FAM81B: variants seen among roughly 807,000 people sequenced by gnomAD.
FAM81B encodes the protein family with sequence similarity 81 member B.
In FAM81B, 60 loss-of-function variants were observed where a neutral mutation model predicts 58.7. The observed-to-expected ratio is 1.02, with a 90% confidence interval of 0.83 to 1.27. FAM81B has a LOEUF of 1.27. Ranked by LOEUF, FAM81B falls within the 50% of genes most tolerant of loss-of-function variation. The pLI, the probability that FAM81B is intolerant of heterozygous loss-of-function variation, is 0.00. For synonymous variants in FAM81B, 189 were observed against 179.6 expected (o/e 1.05, Z -0.42); for missense variants, 491 against 522.0 (o/e 0.94, Z 0.58).
intron 5 of FAM81B, among the ~76,000 whole-genome samples, chr5:95,420,689 C>T (rs1411752991): frequency 1.3e-5 from 2 of 150,988 alleles, no homozygotes; most frequent in Non-Finnish European, 2.9e-5. Context: ...TACATAGACG[C>T]ACCTTCATAA....
At chr5:95,445,838 C>A (rs532291550) in intron 7 of FAM81B, among the ~76,000 whole-genome samples, 23 of 152,250 alleles carry the variant, frequency 1.5e-4, no homozygotes, top group African/African-American at 5.5e-4. Context: ...CTGCCTCTGA[C>A]CTTTCTCTCC....
chr5:95,441,768 A>G (rs548796811), intron 7 of FAM81B, among the ~76,000 whole-genome samples: 1 of 152,182 alleles, frequency 6.6e-6, no homozygotes, highest in Non-Finnish European at 1.5e-5. Context: ...TAGATCCGAC[A>G]AAGACATGCA....
intron 7 of FAM81B, chr5:95,440,525 T>C: frequency 1.7e-6 from 1 of 575,950 alleles, no homozygotes; most frequent in Non-Finnish European, 3.3e-6. Context: ...TTATTGGTTT[T>C]GATGCAGGAG....
intron 5 of FAM81B, among the ~76,000 whole-genome samples, chr5:95,428,392 T>C (rs1762906925): frequency 6.6e-6 from 1 of 152,194 alleles, no homozygotes; most frequent in Admixed American, 6.5e-5. Context: ...GGTGCTCTGG[T>C]TTGAGCCAAT....
intron 5 of FAM81B, among the ~76,000 whole-genome samples, chr5:95,424,986 A>T (rs181995242): frequency 6.6e-6 from 1 of 152,294 alleles, no homozygotes; most frequent in Non-Finnish European, 1.5e-5. Flanking sequence ...CTCTTAAAAT[A>T]GAACAAATGC....
At chr5:95,438,976 C>A (rs1253971161) in intron 7 of FAM81B, among the ~76,000 whole-genome samples, 1 of 150,636 alleles carries the variant, frequency 6.6e-6, no homozygotes, top group Non-Finnish European at 1.5e-5. Context: ...AATTTCTATA[C>A]CTATTACTCA....
At chr5:95,425,911 A>T (rs1271231945) in intron 5 of FAM81B, among the ~76,000 whole-genome samples, 1 of 151,494 alleles carries the variant, frequency 6.6e-6, no homozygotes, top group East Asian at 1.9e-4. Context: ...CTTTTTATAG[A>T]TTCTTTTTTT....
chr5:95,428,580 A>G, intron 5 of FAM81B, 23 bp from the exon 6 acceptor site: 1 of 1,613,376 alleles, frequency 6.2e-7, no homozygotes, highest in Non-Finnish European at 8.5e-7. Context: ...ATTGATCCAC[A>G]CCAATTTCCA....
chr5:95,393,344 A>C, intron 2 of FAM81B, among the ~76,000 whole-genome samples: 1 of 152,222 alleles, frequency 6.6e-6, no homozygotes, highest in East Asian at 1.9e-4. Flanking sequence ...TGTAATTTAC[A>C]TAACAAGAGG....
Position 95,412,535 on chromosome 5 carries a change from AC to A in FAM81B, c.294-1410del, listed in dbSNP as rs1164632023. Among the ~76,000 whole-genome samples, 4 of 152,192 alleles carry A rather than the reference AC, an allele frequency of 2.6e-5. No individual in the cohort carries two copies. The South Asian group carries it at 8.3e-4, about 32-fold the overall frequency. On this transcript the variant is annotated intron_variant, in intron 3 of 9. Coordinates refer to ENST00000283357, the MANE Select transcript of FAM81B (RefSeq NM_152548.3). ...CTGCAAACAAATGAAATATTTTTAA[AC>A]CATATGGGGTGGCCAATTCACTTGT...
chr5:95,441,610 A>AG (rs1189568396), intron 7 of FAM81B, among the ~76,000 whole-genome samples: 5 of 139,928 alleles, frequency 3.6e-5, no homozygotes, highest in Non-Finnish European at 8.1e-5. Flanking sequence ...TCTGCAAATT[A>AG]AAAAAAAAAG....
chr5:95,438,649 T>C (rs1024831610), intron 7 of FAM81B, among the ~76,000 whole-genome samples: 5 of 152,060 alleles, frequency 3.3e-5, no homozygotes, highest in Non-Finnish European at 5.9e-5. Context: ...TTCAGTAGTA[T>C]TACAGTAGGT....
chr5:95,393,249 T>G (rs372840898), intron 2 of FAM81B, among the ~76,000 whole-genome samples: 34 of 152,348 alleles, frequency 2.2e-4, no homozygotes, highest in African/African-American at 7.9e-4. Flanking sequence ...GTTTCCTTTA[T>G]TAGAACTTGT....
At position 95,446,757 on chromosome 5, in the gene FAM81B, A is replaced by T. The variant is rs1745583179; in HGVS notation, c.1029+60A>T. 7.6e-6 allele frequency: 12 copies of T among 1,575,524 alleles called. No individual in the cohort carries two copies. The South Asian group carries it at 1.4e-4, about 19-fold the overall frequency. ...TGCATAGTCCTTGTTAGCAGTGAGTAAAGGTCTGGGAATTTGTACTTCAAC... is the reference window on the plus strand; with the variant it reads ...TGCATAGTCCTTGTTAGCAGTGAGTTAAGGTCTGGGAATTTGTACTTCAAC... On this transcript the variant is annotated intron_variant, in intron 8 of 9. Coordinates refer to ENST00000283357, the MANE Select transcript of FAM81B (RefSeq NM_152548.3).
chr5:95,446,043 G>C (rs908754340), intron 7 of FAM81B, among the ~76,000 whole-genome samples: 5 of 152,104 alleles, frequency 3.3e-5, no homozygotes, highest in Non-Finnish European at 7.3e-5. Context: ...GACTATAACC[G>C]TACTCATTTC....
Position 95,443,758 on chromosome 5 carries a change from C to A in FAM81B, c.894-2804C>A, listed in dbSNP as rs529213621. On this transcript the variant is annotated intron_variant, in intron 7 of 9. Coordinates refer to ENST00000283357, the MANE Select transcript of FAM81B (RefSeq NM_152548.3). ...AACAGAATCCAACTTCTGGGTGTTA[C>A]CAGGAAAATTAATCCCCAGCTGAAA... Among the ~76,000 whole-genome samples, 214 of 152,112 alleles carry A rather than the reference C, an allele frequency of 1.4e-3. 1 individual carries two copies. The highest frequency in any genetic ancestry group is 1.9e-3 in the Non-Finnish European group (128 of 68,014).
At chr5:95,407,261 T>TACACACACAC (rs5869678) in intron 3 of FAM81B, among the ~76,000 whole-genome samples, 3 of 143,762 alleles carry the variant, frequency 2.1e-5, no homozygotes, top group Admixed American at 1.4e-4. Context: ...TGTTCTCTTT[T>TACACACACAC]ACACACACAC....
chr5:95,439,707 T>TA (rs200625304), intron 7 of FAM81B, among the ~76,000 whole-genome samples: 16 of 152,006 alleles, frequency 1.1e-4, no homozygotes, highest in African/African-American at 2.7e-4. Flanking sequence ...TCCACTACTT[T>TA]AAAAAAAAGT....
Position 95,440,831 on chromosome 5 carries a change from T to C in FAM81B, c.893+3925T>C, listed in dbSNP as rs544389186. ...TATGTTCTAGTGCTTTTTTCTTTAA[T>C]AAAGTTTAGGAAAGTAGGGGAAAAA... On this transcript the variant is annotated intron_variant, in intron 7 of 9. Transcript: ENST00000283357. 25 of 204,310 alleles carry C rather than the reference T, an allele frequency of 1.2e-4. No individual in the cohort carries two copies. In the South Asian group the frequency reaches 2.9e-3, roughly 24 times the overall value. The allele number at this position is 204,310 out of a possible 1,614,324, so 12.7% of individuals were successfully genotyped here.
Sources: allele counts gnomAD v4.1 joint callset (sites outside exome capture counted in the v4.1 genomes callset), GRCh38; gene constraint gnomAD v4.1.1; transcripts MANE v1.5; gene names NCBI Gene and HGNC (gene_info 2026-07-23, HGNC 2026-07-21).